Variants in RALGAPB observed in about 807,000 individuals in gnomAD.
RALGAPB encodes Ral GTPase activating protein non-catalytic subunit beta.
RALGAPB carries 25 observed loss-of-function variants against 161.1 expected under a neutral mutation model. The observed-to-expected ratio is 0.16, with a 90% CI of 0.11 to 0.22. The LOEUF is 0.22. RALGAPB is among the 10% of genes least tolerant of loss of function. The pLI, the probability that RALGAPB is intolerant of heterozygous loss-of-function variation, is 1.00. For missense variants in RALGAPB, 1,391 were observed against 1,815.2 expected (o/e 0.77, Z 4.25); for synonymous variants, 629 against 626.1 (o/e 1.00, Z -0.07).
rs3762458 is a variant in RALGAPB at position 38,494,220 on chromosome 20, C to G, written c.389+1088C>G. Among the ~76,000 whole-genome samples the G allele has an allele frequency of 1.7e-3, 261 of 152,324 alleles. 4 individuals carry two copies. The East Asian group carries it at 0.044, about 25-fold the overall frequency. ...AACTCAAAGGCAGGAACTCTGTTGT[C>G]TCTATTTTAGGCTTCCACAGTATCT... On this transcript the variant is annotated intron_variant, in intron 3 of 29. Transcript: ENST00000262879.
rs2123078832 is a variant in RALGAPB at position 38,516,184 on chromosome 20, T to C, written c.873-8T>C. 2.5e-6 allele frequency: 4 copies of C among 1,568,874 alleles called. No homozygotes were observed. Among genetic ancestry groups the C allele is most frequent in the East Asian group, 2.3e-5 (1 of 44,236 alleles). On this transcript the variant is annotated splice_polypyrimidine_tract_variant and splice_region_variant and intron_variant, in intron 6 of 29. Transcript: ENST00000262879. ...ATTTGTGATTAATTCTTTCCTCTCT[T>C]TTAATAGTAATCCTGTGGATTTGAG... is the stretch of plus-strand genomic sequence containing the variant.
chr20:38,539,740 G>A (rs755939208), intron 16 of RALGAPB, 36 bp from the exon 17 acceptor site: 3 of 1,596,896 alleles, frequency 1.9e-6, no homozygotes, highest in Non-Finnish European at 2.6e-6. Flanking sequence ...GTAATTCCTG[G>A]CTGATTGTTT....
At chr20:38,539,465 G>T (rs1271330344) in intron 16 of RALGAPB, among the ~76,000 whole-genome samples, 3 of 152,188 alleles carry the variant, frequency 2.0e-5, no homozygotes, top group Non-Finnish European at 2.9e-5. Flanking sequence ...TGGGTTAGGG[G>T]TTTAAAAATG....
intron 22 of RALGAPB, 123 bp downstream of exon 22, chr20:38,554,199 G>C: frequency 1.1e-6 from 1 of 897,736 alleles, no homozygotes; most frequent in Non-Finnish European, 1.7e-6. Context: ...TAAAATTTTA[G>C]CCTGCATACA....
In RALGAPB at chr20:38,490,507, C is replaced by G. The variant is rs148601281; in HGVS notation, c.186+1889C>G. Among the ~76,000 whole-genome samples, 58 of 148,290 alleles carry G rather than the reference C, an allele frequency of 3.9e-4. 3 individuals carry two copies. The East Asian group carries it at 0.011, about 29-fold the overall frequency. Reference sequence around the variant, plus strand: ...ACAGGCGTGAGCCACCGCGCCCGGCCTATTTATTTATTTTTTGAGACAGAG... The same window carrying G: ...ACAGGCGTGAGCCACCGCGCCCGGCGTATTTATTTATTTTTTGAGACAGAG... On this transcript the variant is annotated intron_variant, in intron 2 of 29. Coordinates refer to ENST00000262879, the MANE Select transcript of RALGAPB (RefSeq NM_020336.4).
At position 38,578,026 on chromosome 20, in the gene RALGAPB, G is replaced by A. The variant is rs920386522; in HGVS notation, c.*3059G>A. ...GTGGAAGTTAGCCTTGCTCAAAGAT[G>A]TGTTTTGTGGTAGGTGGTAAAAATA... On this transcript the variant is annotated 3_prime_UTR_variant, in exon 30 of 30. Transcript: ENST00000262879. 1 of 152,154 alleles carries A rather than the reference G, an allele frequency of 6.6e-6. No individual in the cohort carries two copies. The highest frequency in any genetic ancestry group is 2.4e-5 in the African/African-American group (1 of 41,418). The allele number at this position is 152,154 out of a possible 1,614,324, so 9.4% of individuals were successfully genotyped here.
intron 1 of RALGAPB, among the ~76,000 whole-genome samples, chr20:38,480,239 T>C (rs1432952974): frequency 1.3e-5 from 2 of 152,212 alleles, no homozygotes; most frequent in East Asian, 3.9e-4. Context: ...CCTTCAAAAT[T>C]GGTCACTGCT....
Position 38,546,356 on chromosome 20 carries a change from A to T in RALGAPB, c.2828A>T (p.His943Leu). 6.2e-7 allele frequency: 1 copy of T among 1,614,132 alleles called. No individual in the cohort carries two copies. The highest frequency in any genetic ancestry group is 8.5e-7 in the Non-Finnish European group (1 of 1,179,998). The change falls in exon 19 of 30, where the codon CAT becomes CTT. Residue 943 changes from histidine (H) to leucine (L), a missense_variant. Physicochemically the swap from His to Leu is moderately conservative, Grantham distance 99. Around this residue, in one of 3 missense-constraint regions of RALGAPB, gnomAD observed 946 missense variants for 1,257.2 expected, o/e 0.75. Coordinates refer to ENST00000262879, the MANE Select transcript of RALGAPB (RefSeq NM_020336.4). The stretch of plus-strand genomic sequence containing the variant: ...TCCAGGCTGCCAACCATAAACAAGC[A>T]TAGTTTCCGGTACTTTGTCTTGGAT... ...KYSRLPTINK[H>L]SFRYFVLDNS... is the part of the protein sequence containing the mutation.
intron 13 of RALGAPB, 34 bp from the exon 14 acceptor site, chr20:38,531,133 T>A (rs1304061112): frequency 6.6e-7 from 1 of 1,511,282 alleles, no homozygotes; most frequent in African/African-American, 1.4e-5. Context: ...TTCTTGTGTA[T>A]TTTATATAAA....
At chr20:38,569,796 A>ACCTTGACAATTTGTCAACCCTAAC in intron 26 of RALGAPB, 92 bp from the exon 27 acceptor site, 1 of 886,864 alleles carries the variant, frequency 1.1e-6, no homozygotes, top group South Asian at 1.5e-5. Flanking sequence ...GTCACTGAGC[A>ACCTTGACAATTTGTCAACCCTAAC]CCTTGACAAA....
At chr20:38,555,267 C>T (rs1021941310) in intron 22 of RALGAPB, among the ~76,000 whole-genome samples, 5 of 152,130 alleles carry the variant, frequency 3.3e-5, no homozygotes, top group African/African-American at 1.2e-4. Flanking sequence ...ATAACTTGTC[C>T]CTTGCCCTTA....
At position 38,501,169 on chromosome 20, in the gene RALGAPB, A is replaced by G. The variant is rs572497600; in HGVS notation, c.740+1536A>G. On this transcript the variant is annotated intron_variant, in intron 5 of 29. Coordinates refer to ENST00000262879, the MANE Select transcript of RALGAPB (RefSeq NM_020336.4). Reference sequence around the variant, plus strand: ...AAACAGTCTTGTATTGGAAGAAGACACCATCTAGGACTTCTATAGCTAGAG... The same window carrying G: ...AAACAGTCTTGTATTGGAAGAAGACGCCATCTAGGACTTCTATAGCTAGAG... Among the ~76,000 whole-genome samples the G allele has an allele frequency of 5.3e-5, 8 of 152,310 alleles. No individual in the cohort carries two copies. The East Asian group carries it at 7.7e-4, about 15-fold the overall frequency.
Position 38,554,052 on chromosome 20 carries a change from A to C in RALGAPB, c.3348A>C (p.Gly1116=). ...CCCGCCTTTTTCTCTCACACTTTGG[A>C]TTTTTGTCCTTAGAAGCACTGAAGG... ...QTARLFLSHF[G]FLSLEALKEP... The change falls in exon 22 of 30, where the codon GGA becomes GGC. Residue 1116 remains glycine (G), a synonymous_variant. Coordinates refer to ENST00000262879, the MANE Select transcript of RALGAPB (RefSeq NM_020336.4). 1 of 1,611,672 alleles carries C rather than the reference A, an allele frequency of 6.2e-7. No homozygotes were observed. Among genetic ancestry groups the C allele is most frequent in the Non-Finnish European group, 8.5e-7 (1 of 1,178,052 alleles).
Position 38,569,982 on chromosome 20 carries a change from G to A in RALGAPB, c.4049G>A (p.Arg1350His), listed in dbSNP as rs147384010. The change falls in exon 27 of 30, where the codon CGC becomes CAC. Residue 1350 changes from arginine to histidine, a missense_variant. By Grantham distance (29) the Arg-to-His change is conservative. Around this residue, in one of 3 missense-constraint regions of RALGAPB, gnomAD observed 436 missense variants for 527.0 expected, o/e 0.83. Coordinates refer to ENST00000262879, the MANE Select transcript of RALGAPB (RefSeq NM_020336.4). ...AGAGTTTCTGTAGTCTGGGTGGAAC[G>A]CTATGATGATATAGGTACTGTATGA... ...ETRVSVVWVE[R>H]YDDIENFPLS... 104 of 1,612,096 alleles carry A rather than the reference G, an allele frequency of 6.5e-5. No individual in the cohort carries two copies. The African/African-American group carries it at 1.1e-3, about 16-fold the overall frequency.
intron 3 of RALGAPB, among the ~76,000 whole-genome samples, chr20:38,496,020 G>A (rs1225795808): frequency 6.6e-6 from 1 of 152,122 alleles, no homozygotes; most frequent in African/African-American, 2.4e-5. Context: ...TAGGTTTGGG[G>A]CTATGCTATA....
At chr20:38,480,321 C>CT (rs11476061) in intron 1 of RALGAPB, among the ~76,000 whole-genome samples, 3,753 of 138,986 alleles carry the variant, frequency 0.027, 59 homozygotes, top group African/African-American at 0.038. Flanking sequence ...GTTTCTAGTG[C>CT]TTTTTTTTTT....
intron 17 of RALGAPB, among the ~76,000 whole-genome samples, chr20:38,540,312 C>T (rs1469143499): frequency 1.3e-5 from 2 of 152,216 alleles, no homozygotes; most frequent in East Asian, 3.8e-4. Context: ...TGCCAGGCTG[C>T]AAACCTAGAG....
At chr20:38,503,053 AC>A (rs2085643718) in intron 5 of RALGAPB, among the ~76,000 whole-genome samples, 1 of 152,190 alleles carries the variant, frequency 6.6e-6, no homozygotes, top group Admixed American at 6.5e-5. Context: ...TTTTGTACCA[AC>A]ACAATATCTT....
chr20:38,505,003 T>C (rs900490081), intron 5 of RALGAPB, among the ~76,000 whole-genome samples: 1 of 152,196 alleles, frequency 6.6e-6, no homozygotes, highest in Non-Finnish European at 1.5e-5. Flanking sequence ...TTCCAGCTAC[T>C]GTGGAAAGCA....
Sources: gnomAD v4.1 joint callset for allele counts (sites outside exome capture counted in the v4.1 genomes callset) on GRCh38, gnomAD v4.1.1 for gene constraint, gnomAD v4.1.1 regional missense constraint, MANE v1.5 for transcripts, NCBI Gene and HGNC (gene_info 2026-07-23, HGNC 2026-07-21) for gene names.